The following SYNE2 variants were observed in gnomAD, a reference collection of about 807,000 sequenced individuals.
SYNE2 encodes spectrin repeat containing nuclear envelope protein 2, also known as nesprin-2.
In SYNE2, 431 loss-of-function variants were observed where a neutral mutation model predicts 856.3. The ratio of observed to expected loss-of-function variants is 0.50; its 90% CI spans 0.47 to 0.55. The LOEUF (loss-of-function observed/expected upper bound fraction) is 0.55, where lower values mean the gene tolerates loss of function less well. SYNE2 is among the 20% of genes least tolerant of loss of function. The probability of loss-of-function intolerance (pLI) is 0.00; values close to 1 mark genes in which losing one functional copy is unlikely to be tolerated. For missense variants in SYNE2, 8,129 were observed against 8,023.2 expected (o/e 1.01, Z -0.50); for synonymous variants, 2,923 against 2,872.3 (o/e 1.02, Z -0.56).
chr14:64,054,102 G>A (rs1452280006), intron 48 of SYNE2, among the ~76,000 whole-genome samples: 1 of 152,226 alleles, frequency 6.6e-6, no homozygotes, highest in Non-Finnish European at 1.5e-5. Context: ...TCTACAGAAA[G>A]ATAGCCATTT....
At chr14:63,794,293 C>A (rs1595116039) in intron 1 of SYNE2, among the ~76,000 whole-genome samples, 1 of 152,054 alleles carries the variant, frequency 6.6e-6, no homozygotes, top group Admixed American at 6.6e-5. Context: ...GCGATCTTGG[C>A]TCACCACAAC....
intron 1 of SYNE2, among the ~76,000 whole-genome samples, chr14:63,834,781 C>T (rs1889790180): frequency 6.6e-6 from 1 of 151,672 alleles, no homozygotes; most frequent in Non-Finnish European, 1.5e-5. Flanking sequence ...GCTGAGACTA[C>T]AGGCACACGT....
At chr14:64,109,483 C>T (rs2097791620) in intron 65 of SYNE2, among the ~76,000 whole-genome samples, 1 of 152,122 alleles carries the variant, frequency 6.6e-6, no homozygotes, top group Non-Finnish European at 1.5e-5. Context: ...TAGTAAGTGG[C>T]AAAGCTAGGA....
At chr14:64,126,839 A>T in intron 73 of SYNE2, 32 bp downstream of exon 73, 1 of 1,603,244 alleles carries the variant, frequency 6.2e-7, no homozygotes, top group South Asian at 1.1e-5. Flanking sequence ...CTATTTTGGC[A>T]CTGTTTTAAG....
chr14:63,867,055 A>G (rs887387293), intron 1 of SYNE2, among the ~76,000 whole-genome samples: 2 of 152,232 alleles, frequency 1.3e-5, no homozygotes, highest in African/African-American at 4.8e-5. Flanking sequence ...TAAGCCTATA[A>G]CACAGAAACC....
chr14:63,849,719 C>T (rs1327503389), upstream of SYNE2, among the ~76,000 whole-genome samples: 2 of 152,114 alleles, frequency 1.3e-5, no homozygotes, highest in African/African-American at 2.4e-5. Context: ...TGAGATCGGG[C>T]GACAGGGAGG....
chr14:64,212,757 G>GT (rs1178293683), intron 104 of SYNE2, 54 bp from the exon 105 acceptor site: 6 of 1,550,206 alleles, frequency 3.9e-6, no homozygotes, highest in Non-Finnish European at 5.3e-6. Flanking sequence ...GAAACAGGCA[G>GT]TGGAAGCTCA....
intron 83 of SYNE2, among the ~76,000 whole-genome samples, chr14:64,144,677 GCTTAAGTA>G (rs1436356625): frequency 1.3e-5 from 2 of 152,150 alleles, no homozygotes; most frequent in Non-Finnish European, 2.9e-5. Context: ...GCTGATAATG[GCTTAAGTA>G]CTTTCTTGGA....
At position 64,221,630 on chromosome 14, in the gene SYNE2, C is replaced by G; in HGVS notation, c.20116C>G (p.Arg6706Gly). The change falls in exon 112 of 116, where the codon CGG (arginine) becomes GGG (glycine). Residue 6706 changes from arginine to glycine, a missense_variant. Transcript: ENST00000555002. Reference sequence around the variant, plus strand: ...GCTGTGGTTAGCGAGTGCCAAGAACCGGAGGCAGAAGGCTCATGTCACCGA... The same window carrying G: ...GCTGTGGTTAGCGAGTGCCAAGAACGGGAGGCAGAAGGCTCATGTCACCGA... ...LLLWLASAKN[R>G]RQKAHVTDPK... 2.5e-6 allele frequency: 4 copies of G among 1,614,122 alleles called. No homozygotes were observed. The highest frequency in any genetic ancestry group is 1.6e-4 in the Middle Eastern group (1 of 6,062).
At chr14:63,851,660 C>T (rs938444209), upstream of SYNE2, among the ~76,000 whole-genome samples, 4 of 152,054 alleles carry the variant, frequency 2.6e-5, no homozygotes, top group African/African-American at 4.8e-5. Flanking sequence ...CTAATTTTTC[C>T]CATTAATATA....
intron 66 of SYNE2, among the ~76,000 whole-genome samples, chr14:64,114,202 C>T (rs990406013): frequency 2.6e-5 from 4 of 152,258 alleles, no homozygotes; most frequent in South Asian, 2.1e-4. Context: ...TGCCGCTAGT[C>T]GCTCTGAGTA....
At chr14:63,892,811 C>T (rs896713881) in intron 1 of SYNE2, among the ~76,000 whole-genome samples, 7 of 150,998 alleles carry the variant, frequency 4.6e-5, no homozygotes, top group African/African-American at 1.7e-4. Context: ...CTTAAGCAGT[C>T]CTCCTGCCTC....
intron 65 of SYNE2, among the ~76,000 whole-genome samples, chr14:64,109,675 G>A (rs981620063): frequency 6.6e-6 from 1 of 152,228 alleles, no homozygotes; most frequent in African/African-American, 2.4e-5. Context: ...TACTACAGGA[G>A]GAATTTGTCC....
Position 64,081,577 on chromosome 14 carries a change from G to C in SYNE2, c.11481G>C (p.Val3827=), listed in dbSNP as rs1422836800. The C allele has an allele frequency of 6.2e-7, 1 of 1,614,026 alleles. No individual in the cohort carries two copies. The change falls in exon 57 of 116, where the codon GTG becomes GTC. Residue 3827 remains valine, a synonymous_variant. Coordinates refer to ENST00000555002, the MANE Select transcript of SYNE2 (RefSeq NM_182914.3). ...LRTLSHHAST[V]QMALEDSEQK... is the part of the protein sequence containing the mutation. ...CACTGAGTCACCATGCTAGCACTGT[G>C]CAGGTAAGTGTTCTTCCAGGTTTTC...
At position 63,993,937 on chromosome 14, in the gene SYNE2, GAA is replaced by G; in HGVS notation, c.2752_2753del (p.Lys918GlufsTer2). 1 of 1,613,646 alleles carries G rather than the reference GAA, an allele frequency of 6.2e-7. No individual in the cohort carries two copies. Among genetic ancestry groups the G allele is most frequent in the Non-Finnish European group, 8.5e-7 (1 of 1,179,738 alleles). ...TGAGGACATAAAGATGTCTTTAGAA[GAA>G]AAGAGTAGAGATGTCTGTGCCAAAT... ...VTEDIKMSLEEKSRDVCAKWE... is the reference protein window; with the variant it reads ...VTEDIKMSLEXKSRDVCAKWE... On this transcript the variant is annotated frameshift_variant, in exon 22 of 116. Transcript: ENST00000555002. LOFTEE classifies it high-confidence loss of function.
At chr14:63,916,304 G>A (rs1400074903) in intron 2 of SYNE2, among the ~76,000 whole-genome samples, 2 of 152,188 alleles carry the variant, frequency 1.3e-5, no homozygotes, top group African/African-American at 2.4e-5. Context: ...TGCAATGTGA[G>A]TTATAAATTC....
intron 29 of SYNE2, among the ~76,000 whole-genome samples, chr14:64,002,473 T>A (rs1299412424): frequency 6.6e-6 from 1 of 152,278 alleles, no homozygotes; most frequent in Non-Finnish European, 1.5e-5. Context: ...CTGAACAGTT[T>A]AACATCTAAT....
At chr14:64,069,041 G>A (rs2097381265) in intron 51 of SYNE2, among the ~76,000 whole-genome samples, 2 of 152,084 alleles carry the variant, frequency 1.3e-5, no homozygotes, top group African/African-American at 2.4e-5. Context: ...AACAGGAAAG[G>A]TCTGAGCCTT....
In SYNE2 at chr14:63,805,367, C is replaced by T. The variant is rs137883215; in HGVS notation, c.-305+43381C>T. The stretch of plus-strand genomic sequence containing the variant: ...CCATGAGCATGGAATATTTTTTTCA[C>T]TTGTCTGTGTCACCTCTGATTTCTT... On this transcript the variant is annotated intron_variant, in intron 1 of 23. Coordinates refer to the SYNE2 transcript ENST00000674003. 2.1e-3 allele frequency among the ~76,000 whole-genome samples: 321 copies of T among 152,180 alleles called. 1 individual carries two copies. Among genetic ancestry groups the T allele is most frequent in the African/African-American group, 6.9e-3 (288 of 41,508 alleles).
Sources: allele counts gnomAD v4.1 joint callset (sites outside exome capture counted in the v4.1 genomes callset), GRCh38; gene constraint gnomAD v4.1.1; transcripts MANE v1.5; gene names NCBI Gene and HGNC (gene_info 2026-07-23, HGNC 2026-07-21).